The following HTRA2 variants were observed in gnomAD, a reference collection of about 807,000 sequenced individuals.
HTRA2 encodes the protein HtrA serine peptidase 2.
HTRA2 carries 24 observed loss-of-function variants against 42.2 expected under a neutral mutation model. The ratio of observed to expected loss-of-function variants is 0.57; its 90% confidence interval spans 0.41 to 0.80. HTRA2 has a LOEUF of 0.80. Among genes scored for constraint, HTRA2 ranks in the 30% least tolerant of loss-of-function variants. HTRA2 has a pLI of 0.00. For missense variants in HTRA2, 466 were observed against 613.5 expected, an observed-to-expected ratio of 0.76 and a Z score of 2.54; for synonymous variants, 245 against 255.8, an observed-to-expected ratio of 0.96 and a Z score of 0.40.
Position 74,532,827 on chromosome 2 carries a change from C to A in HTRA2, c.1219C>A (p.Leu407Met). Residue 407 changes from leucine to methionine, a missense_variant, in exon 8 of 8, where the codon CTG (leucine) becomes ATG (methionine). Coordinates refer to ENST00000258080, the MANE Select transcript of HTRA2 (RefSeq NM_013247.5). The part of the protein sequence containing the change: ...ILGSPAHRAG[L>M]RPGDVILAIG... ...GTCCATTTTTCTCTATAGGGCTGGT[C>A]TGCGGCCTGGTGATGTGATTTTGGC... The A allele has an allele frequency of 6.2e-7, 1 of 1,614,104 alleles. No homozygotes were observed. The highest frequency in any genetic ancestry group is 1.1e-5 in the South Asian group (1 of 91,054).
rs1460445440 is a variant in HTRA2 at position 74,532,958 on chromosome 2, A to G, written c.1350A>G (p.Leu450=). Residue 450 remains leucine, a synonymous_variant, in exon 8 of 8, where the codon TTA becomes TTG. Coordinates refer to ENST00000258080, the MANE Select transcript of HTRA2 (RefSeq NM_013247.5). Reference sequence around the variant, plus strand: ...GGCGGGGACGAGAAACACTGACCTTATATGTGACCCCTGAGGTCACAGAAT... The same window carrying G: ...GGCGGGGACGAGAAACACTGACCTTGTATGTGACCCCTGAGGTCACAGAAT... ...QIRRGRETLT[L]YVTPEVTE The G allele has an allele frequency of 1.2e-6, 2 of 1,613,970 alleles. No individual in the cohort carries two copies. The highest frequency in any genetic ancestry group is 1.7e-6 in the Non-Finnish European group (2 of 1,179,988).
Position 74,530,589 on chromosome 2 carries a change from T to C in HTRA2, c.507-28T>C. The C allele has an allele frequency of 6.2e-7, 1 of 1,613,852 alleles. No homozygotes were observed. Among genetic ancestry groups the C allele is most frequent in the Non-Finnish European group, 8.5e-7 (1 of 1,180,028 alleles). ...GCGGGTAGGAGGGGTCAGAGCCTCCTCTTATCTGTGCTTTCCCTCCATTTC... is the reference window on the plus strand; with the variant it reads ...GCGGGTAGGAGGGGTCAGAGCCTCCCCTTATCTGTGCTTTCCCTCCATTTC... On this transcript the variant is annotated intron_variant, in intron 1 of 7. Transcript: ENST00000258080. The surrounding 1 kb of genome is among the most constrained non-coding windows in gnomAD (Gnocchi z 7.4).
rs2104365970 is a variant in HTRA2, at chr2:74,530,197, G to T, written c.191G>T (p.Gly64Val). ...TPSLWARLSV[G>V]VTEPRACLTS... ...AGTCTCTGGGCCCGGTTGTCTGTTGGGGTCACTGAACCCCGAGCATGCCTG... is the reference window on the plus strand; with the variant it reads ...AGTCTCTGGGCCCGGTTGTCTGTTGTGGTCACTGAACCCCGAGCATGCCTG... Residue 64 changes from glycine (G) to valine (V), a missense_variant, in exon 1 of 8, where the codon GGG (glycine) becomes GTG (valine). Coordinates refer to ENST00000258080, the MANE Select transcript of HTRA2 (RefSeq NM_013247.5). This position sits in a 1 kb window ranked among gnomAD's most constrained non-coding sequence, Gnocchi z 7.4. The T allele has an allele frequency of 6.2e-7, 1 of 1,611,240 alleles. No individual in the cohort carries two copies. The highest frequency in any genetic ancestry group is 8.5e-7 in the Non-Finnish European group (1 of 1,179,050).
rs955155115 is a variant in HTRA2, at chr2:74,529,959, G to T, written c.-48G>T. 3.3e-6 allele frequency: 5 copies of T among 1,500,390 alleles called. No individual in the cohort carries two copies. The highest frequency in any genetic ancestry group is 4.4e-6 in the Non-Finnish European group (5 of 1,129,274). The allele number at this position is 1,500,390 out of a possible 1,614,324, so 92.9% of individuals were successfully genotyped here. ...TACTGTCCGCCTGCTCGCGTCCTGG[G>T]TGCCGCCTCTGAGTAGGGCGGGCGA... On this transcript the variant is annotated 5_prime_UTR_variant, in exon 1 of 8. Coordinates refer to ENST00000258080, the MANE Select transcript of HTRA2 (RefSeq NM_013247.5).
intron 3 of HTRA2, 99 bp from the exon 4 acceptor site, chr2:74,531,240 G>A (rs546025038): frequency 4.4e-5 from 69 of 1,554,052 alleles, no homozygotes; most frequent in Non-Finnish European, 6.0e-5. Flanking sequence ...TTATTCATGG[G>A]CTGAGAAAGA....
rs746881352 is a variant in HTRA2 at position 74,532,659 on chromosome 2, G to A, written c.1156G>A (p.Asp386Asn). Residue 386 changes from aspartate to asparagine, a missense_variant, in exon 7 of 8, where the codon GAT becomes AAT. Coordinates refer to ENST00000258080, the MANE Select transcript of HTRA2 (RefSeq NM_013247.5). ...ACAGCTTCGAGAACCAAGCTTTCCC[G>A]ATGTTCAGCATGGTGTACTCATCCA... ...ELQLREPSFP[D>N]VQHGVLIHKV... 1.1e-5 allele frequency: 17 copies of A among 1,613,696 alleles called. 1 individual carries two copies. Among genetic ancestry groups the A allele is most frequent in the Admixed American group, 8.3e-5 (5 of 60,008 alleles).
upstream of HTRA2, chr2:74,529,720 A>G: frequency 1.6e-5 from 25 of 1,529,546 alleles, no homozygotes; most frequent in Non-Finnish European, 2.1e-5. Flanking sequence ...GTCTTTGGGC[A>G]TCCGCCCGGG....
chr2:74,531,795 G>A (rs1675629191), intron 5 of HTRA2, 61 bp from the exon 6 acceptor site: 1 of 1,612,050 alleles, frequency 6.2e-7, no homozygotes, highest in Non-Finnish European at 8.5e-7. Context: ...GGTCTACTGG[G>A]AGAAGAGGGC....
downstream of HTRA2, chr2:74,533,431 T>C: frequency 1.6e-6 from 1 of 610,946 alleles, no homozygotes; most frequent in Non-Finnish European, 2.9e-6. Context: ...CTACAGATAC[T>C]GACAGCTGGC....
chr2:74,533,300 A>G lies in HTRA2; in HGVS notation c.*315A>G. The G allele has an allele frequency of 1.9e-6, 1 of 529,954 alleles. No individual in the cohort carries two copies. The highest frequency in any genetic ancestry group is 2.3e-5 in the South Asian group (1 of 44,364). The allele number at this position is 529,954 out of a possible 1,614,324, so 32.8% of individuals were successfully genotyped here. A position where few individuals can be genotyped will look rare whatever the true frequency, so the allele number is the denominator to read the frequency against. ...AGCTGACCATCCTGACCTCCTATTAAAGAAAATGAGCTGCTGCCATCTTTT... is the reference window on the plus strand; with the variant it reads ...AGCTGACCATCCTGACCTCCTATTAGAGAAAATGAGCTGCTGCCATCTTTT... On this transcript the variant is annotated 3_prime_UTR_variant, in exon 8 of 8. Coordinates refer to ENST00000258080, the MANE Select transcript of HTRA2 (RefSeq NM_013247.5).
Position 74,533,058 on chromosome 2 carries a change from C to T in HTRA2, c.*73C>T, listed in dbSNP as rs972087896. 8.8e-6 allele frequency: 13 copies of T among 1,472,256 alleles called. No homozygotes were observed. Among genetic ancestry groups the T allele is most frequent in the East Asian group, 4.5e-5 (2 of 44,272 alleles). The allele number at this position is 1,472,256 out of a possible 1,614,324, so 91.2% of individuals were successfully genotyped here. A position where few individuals can be genotyped will look rare whatever the true frequency, so the allele number is the denominator to read the frequency against. ...TTTCTGGCTGAGGTTCTGAGGGCAC[C>T]GAGACAGAGGGTTAAATGAACCAGT... is the stretch of plus-strand genomic sequence containing the variant. On this transcript the variant is annotated 3_prime_UTR_variant, in exon 8 of 8. Transcript: ENST00000258080.
At position 74,530,562 on chromosome 2, in the gene HTRA2, G is replaced by A. The variant is rs2231247; in HGVS notation, c.506+50G>A. ...GCACTGAAGCCACAGGCTGGAGGGC[G>A]GGCGGGTAGGAGGGGTCAGAGCCTC... On this transcript the variant is annotated intron_variant, in intron 1 of 7. Coordinates refer to ENST00000258080, the MANE Select transcript of HTRA2 (RefSeq NM_013247.5). The surrounding 1 kb of genome is among the most constrained non-coding windows in gnomAD (Gnocchi z 7.4). The A allele has an allele frequency of 9.5e-3, 15,285 of 1,613,564 alleles. 1,293 individuals carry two copies. In the African/African-American group the frequency reaches 0.18, roughly 19 times the overall value.
rs544324453 is a variant in HTRA2 at position 74,530,319 on chromosome 2, G to C, written c.313G>C (p.Ala105Pro). Residue 105 changes from alanine (A) to proline (P), a missense_variant, in exon 1 of 8, where the codon GCG (alanine) becomes CCG (proline). Around this residue, in one of 3 missense-constraint regions of HTRA2, gnomAD observed 222 missense variants for 205.1 expected, o/e 1.08. Transcript: ENST00000258080. This position sits in a 1 kb window ranked among gnomAD's most constrained non-coding sequence, Gnocchi z 7.4. ...ASENSGTRSR[A>P]WLAVALGAGG... is the part of the protein sequence containing the mutation. The stretch of plus-strand genomic sequence containing the variant: ...AGAGAACTCTGGAACCCGTTCGCGC[G>C]CGTGGCTGGCGGTGGCGCTGGGCGC... The C allele has an allele frequency of 1.3e-6, 2 of 1,596,378 alleles. No individual in the cohort carries two copies. Among genetic ancestry groups the C allele is most frequent in the South Asian group, 2.2e-5 (2 of 89,908 alleles).
At position 74,530,037 on chromosome 2, in the gene HTRA2, G is replaced by C. The variant is rs1328683746; in HGVS notation, c.31G>C (p.Gly11Arg). 1 of 1,572,530 alleles carries C rather than the reference G, an allele frequency of 6.4e-7. No homozygotes were observed. The highest frequency in any genetic ancestry group is 1.3e-5 in the African/African-American group (1 of 74,226). The change falls in exon 1 of 8, where the codon GGC (glycine) becomes CGC (arginine). Residue 11 changes from glycine (G) to arginine (R), a missense_variant. Gly to Arg is a moderately radical substitution (Grantham distance 125). Around this residue, in one of 3 missense-constraint regions of HTRA2, gnomAD observed 222 missense variants for 205.1 expected, o/e 1.08. Transcript: ENST00000258080. The surrounding 1 kb of genome is among the most constrained non-coding windows in gnomAD (Gnocchi z 7.4). MAAPRAGRGA[G>R]WSLRAWRALG... Reference sequence around the variant, plus strand: ...TGCGCCGAGGGCGGGGCGGGGTGCAGGCTGGAGCCTTCGGGCATGGCGGGC... The same window carrying C: ...TGCGCCGAGGGCGGGGCGGGGTGCACGCTGGAGCCTTCGGGCATGGCGGGC...
chr2:74,531,213 TG>T (rs1400390024), intron 3 of HTRA2, 108 bp downstream of exon 3: 16 of 1,544,148 alleles, frequency 1.0e-5, no homozygotes, highest in Non-Finnish European at 1.4e-5. Flanking sequence ...GAGCTTAGGC[TG>T]CAAAAATGTG....
chr2:74,529,576 T>A, upstream of HTRA2: 1 of 1,563,854 alleles, frequency 6.4e-7, no homozygotes, highest in Non-Finnish European at 8.7e-7. Context: ...GCCGGGTCTC[T>A]TACCGGTGCG....
intron 4 of HTRA2, 29 bp from the exon 5 acceptor site, chr2:74,531,568 C>G: frequency 6.2e-7 from 1 of 1,614,068 alleles, no homozygotes; most frequent in Non-Finnish European, 8.5e-7. Flanking sequence ...TTTGTTTAGG[C>G]TAGGGAACTG....
Position 74,532,833 on chromosome 2 carries a change from C to T in HTRA2, c.1225C>T (p.Pro409Ser), listed in dbSNP as rs777257050. Reference sequence around the variant, plus strand: ...TTTTCTCTATAGGGCTGGTCTGCGGCCTGGTGATGTGATTTTGGCCATTGG... The same window carrying T: ...TTTTCTCTATAGGGCTGGTCTGCGGTCTGGTGATGTGATTTTGGCCATTGG... Reference protein sequence around the residue: ...GSPAHRAGLRPGDVILAIGEQ... With the variant: ...GSPAHRAGLRSGDVILAIGEQ... Residue 409 changes from proline to serine, a missense_variant, in exon 8 of 8, where the codon CCT becomes TCT. Physicochemically the swap from Pro to Ser is moderately conservative, Grantham distance 74. Transcript: ENST00000258080. 1.2e-6 allele frequency: 2 copies of T among 1,614,104 alleles called. No individual in the cohort carries two copies. Among genetic ancestry groups the T allele is most frequent in the Admixed American group, 3.3e-5 (2 of 60,016 alleles).
At chr2:74,532,018 T>TA in intron 6 of HTRA2, 93 bp downstream of exon 6, 1 of 1,161,314 alleles carries the variant, frequency 8.6e-7, no homozygotes, top group Non-Finnish European at 1.3e-6. Flanking sequence ...TGTCTTTATC[T>TA]AAGATGAACT....
Sources: allele counts gnomAD v4.1 joint callset, GRCh38; gene constraint gnomAD v4.1.1; regional missense constraint gnomAD v4.1.1; non-coding constraint Gnocchi (gnomAD v3.1); transcripts MANE v1.5; gene names NCBI Gene and HGNC (gene_info 2026-07-23, HGNC 2026-07-21).